The following SETD4 variants were observed in gnomAD, a reference collection of about 807,000 sequenced individuals.
The protein encoded by SETD4 is SET domain containing 4, also known as SET domain-containing protein 4.
A neutral mutation model predicts 58.3 loss-of-function variants in SETD4; 46 were observed. The observed-to-expected ratio is 0.79, with a 90% CI of 0.62 to 1.01. The LOEUF is 1.01. SETD4 is among the 50% of genes least tolerant of loss of function. The pLI is 0.00. For synonymous variants in SETD4, 190 were observed against 202.6 expected (o/e 0.94, Z 0.53); for missense variants, 490 against 523.3 (o/e 0.94, Z 0.62).
chr21:36,050,717 T>C, intron 4 of SETD4: 1 of 1,612,324 alleles, frequency 6.2e-7, no homozygotes, highest in Non-Finnish European at 8.5e-7. Flanking sequence ...GAGGTAAAGC[T>C]GTTTTCTTGG....
At chr21:36,053,522 A>G (rs1381681411) in intron 4 of SETD4, 61 bp downstream of exon 4, 1 of 1,567,246 alleles carries the variant, frequency 6.4e-7, no homozygotes, top group Non-Finnish European at 8.8e-7. Flanking sequence ...CTTCGTTTGA[A>G]CCGCAAAAAC....
Position 36,040,631 on chromosome 21 carries a change from T to A in SETD4, c.1008A>T (p.Gly336=). 2 of 1,613,864 alleles carry A rather than the reference T, an allele frequency of 1.2e-6. No homozygotes were observed. Among genetic ancestry groups the A allele is most frequent in the Non-Finnish European group, 1.7e-6 (2 of 1,179,830 alleles). Residue 336 remains glycine, a synonymous_variant, in exon 9 of 12, where the codon GGA becomes GGT. Coordinates refer to ENST00000332131, the MANE Select transcript of SETD4 (RefSeq NM_017438.5). The part of the protein sequence containing the change: ...YIENLTFGWD[G]PSWRLLTALK... ...GGGCTGTGAGTAGCCTCCAAGATGG[T>A]CCATCCCATCCAAATGTCAAATTTC...
In SETD4 at chr21:36,058,863, C is replaced by T. The variant is rs975059071; in HGVS notation, c.26G>A (p.Ser9Asn). 1.2e-6 allele frequency: 2 copies of T among 1,601,518 alleles called. No individual in the cohort carries two copies. The highest frequency in any genetic ancestry group is 3.5e-5 in the Admixed American group (2 of 57,688). ...GCAGAGTTTTCGTCTTCTGATCCGGCTTGTTCTCCCTTTTCCTTTCTGCAT... is the reference window on the plus strand; with the variant it reads ...GCAGAGTTTTCGTCTTCTGATCCGGTTTGTTCTCCCTTTTCCTTTCTGCAT... MQKGKGRT[S>N]RIRRRKLCGS... Residue 9 changes from serine (S) to asparagine (N), a missense_variant, in exon 2 of 12, where the codon AGC becomes AAC. Transcript: ENST00000332131.
chr21:36,040,025 G>T lies in SETD4; in HGVS notation c.1064+550C>A, dbSNP rs1194041264. Reference sequence around the variant, plus strand: ...TCAGGCTGAAGCTGCCCCTACACTGGGTACAGCACAGCTGGATGTGTCGAC... The same window carrying T: ...TCAGGCTGAAGCTGCCCCTACACTGTGTACAGCACAGCTGGATGTGTCGAC... On this transcript the variant is annotated intron_variant, in intron 9 of 11. Coordinates refer to ENST00000332131, the MANE Select transcript of SETD4 (RefSeq NM_017438.5). 2.6e-5 allele frequency among the ~76,000 whole-genome samples: 4 copies of T among 152,234 alleles called. No homozygotes were observed. The East Asian group carries it at 7.7e-4, about 29-fold the overall frequency.
intron 1 of SETD4, 146 bp downstream of exon 1, chr21:36,060,201 C>G: frequency 1.2e-6 from 1 of 858,480 alleles, no homozygotes; most frequent in Non-Finnish European, 1.4e-6. Context: ...GCAGCGCACA[C>G]GATAATGCCT....
Position 36,050,398 on chromosome 21 carries a change from G to A in SETD4, c.208-2002C>T, listed in dbSNP as rs878971557. ...ATGGAGAAAGGAAACTTGGGTCTGC[G>A]GATCAATGGAGAGCTAATCACTGCC... On this transcript the variant is annotated intron_variant, in intron 4 of 11. Transcript: ENST00000332131. 24 of 1,613,980 alleles carry A rather than the reference G, an allele frequency of 1.5e-5. No individual in the cohort carries two copies. The East Asian group carries it at 1.6e-4, about 10-fold the overall frequency.
Position 36,042,140 on chromosome 21 carries a change from G to C in SETD4, c.902-252C>G, listed in dbSNP as rs553627027. ...TAACCTCAGCTCCTGCTCCCACTAA[G>C]TAAATCCACCAAAAACAAGCAGGTC... On this transcript the variant is annotated intron_variant, in intron 7 of 11. Transcript: ENST00000332131. 342 of 253,718 alleles carry C rather than the reference G, an allele frequency of 1.3e-3. 2 individuals are homozygous for C. The highest frequency in any genetic ancestry group is 1.9e-3 in the Non-Finnish European group (260 of 135,444). 15.7% of individuals were successfully genotyped at this position (253,718 alleles called of 1,614,324 possible).
chr21:36,038,440 G>A (rs2063886242), intron 9 of SETD4, among the ~76,000 whole-genome samples, 167 bp from the exon 10 acceptor site: 1 of 152,130 alleles, frequency 6.6e-6, no homozygotes, highest in Admixed American at 6.5e-5. Context: ...GCTCCCATGT[G>A]GAAGCCGACC....
intron 4 of SETD4, chr21:36,050,817 G>A: frequency 6.2e-7 from 1 of 1,611,364 alleles, no homozygotes; most frequent in Admixed American, 1.7e-5. Context: ...AGAGTCACAT[G>A]GACGGGATGT....
At position 36,038,243 on chromosome 21, in the gene SETD4, C is replaced by CTCCCCAAGAAGTACTTTT; in HGVS notation, c.1077_1094dup (p.Lys360_Glu365dup). 1.2e-6 allele frequency: 2 copies of CTCCCCAAGAAGTACTTTT among 1,613,884 alleles called. No homozygotes were observed. Among genetic ancestry groups the CTCCCCAAGAAGTACTTTT allele is most frequent in the Non-Finnish European group, 1.7e-6 (2 of 1,179,956 alleles). On this transcript the variant is annotated inframe_insertion, in exon 10 of 12. Transcript: ENST00000332131. ...TCTTCTCATTCGTATCTGAAATTAC[C>CTCCCCAAGAAGTACTTTT]TCCCCAAGAAGTACTTTTTTCCAGC...
chr21:36,055,957 C>A (rs1396181122), intron 3 of SETD4, among the ~76,000 whole-genome samples: 1 of 152,172 alleles, frequency 6.6e-6, no homozygotes, highest in Non-Finnish European at 1.5e-5. Context: ...CTCTCTTGAT[C>A]ATCTGGGGAA....
At chr21:36,059,512 AC>A (rs1245037547) in intron 1 of SETD4, 1 of 159,014 alleles carries the variant, frequency 6.3e-6, no homozygotes, top group Non-Finnish European at 1.3e-5. Flanking sequence ...ACATGGTGAA[AC>A]CCCGTCTCTA....
At chr21:36,038,683 T>C (rs1178066473) in intron 9 of SETD4, among the ~76,000 whole-genome samples, 2 of 152,160 alleles carry the variant, frequency 1.3e-5, no homozygotes, top group African/African-American at 2.4e-5. Context: ...CAAGTGACCG[T>C]CTGTCCAAAA....
chr21:36,057,479 T>C (rs1245088904), intron 2 of SETD4: 2 of 594,042 alleles, frequency 3.4e-6, no homozygotes, highest in African/African-American at 1.9e-5. Flanking sequence ...ACCCCATCTC[T>C]TAAAAAAAAA....
intron 1 of SETD4, chr21:36,059,180 G>A (rs1246297202): frequency 3.9e-6 from 1 of 253,880 alleles, no homozygotes. Flanking sequence ...GTTTTATCTT[G>A]CAGACCTAGT....
Position 36,038,253 on chromosome 21 carries a change from AGTACTTTTTTCCAGCAT to A in SETD4, c.1068_1084del (p.Cys357SerfsTer10). 2 of 1,613,486 alleles carry A rather than the reference AGTACTTTTTTCCAGCAT, an allele frequency of 1.2e-6. No homozygotes were observed. The highest frequency in any genetic ancestry group is 2.2e-5 in the South Asian group (2 of 90,806). Reference sequence around the variant, plus strand: ...CGTATCTGAAATTACCTCCCCAAGAAGTACTTTTTTCCAGCATGTACTAGAACCAAAATGTTCCATGA... The same window carrying A: ...CGTATCTGAAATTACCTCCCCAAGAAGTACTAGAACCAAAATGTTCCATGA... On this transcript the variant is annotated frameshift_variant, in exon 10 of 12. Transcript: ENST00000332131. LOFTEE classifies it high-confidence loss of function.
chr21:36,046,002 A>C lies in SETD4; in HGVS notation c.306T>G (p.Pro102=), dbSNP rs776494199. Reference sequence around the variant, plus strand: ...ACAGCGCCAGCAGAGGAGATGGAGGAGGCTTCCACCTTTGAAAATTAAAAG... The same window carrying C: ...ACAGCGCCAGCAGAGGAGATGGAGGCGGCTTCCACCTTTGAAAATTAAAAG... ...YLGAYITKWK[P]PPSPLLALCT... Residue 102 remains proline, a synonymous_variant, in exon 6 of 12, where the codon CCT becomes CCG. Transcript: ENST00000332131. 1.2e-6 allele frequency: 2 copies of C among 1,611,190 alleles called. No homozygotes were observed. Among genetic ancestry groups the C allele is most frequent in the African/African-American group, 1.3e-5 (1 of 74,798 alleles).
At chr21:36,060,318 G>A (rs1387156548) in intron 1 of SETD4, 29 bp downstream of exon 1, 4 of 220,116 alleles carry the variant, frequency 1.8e-5, no homozygotes, top group African/African-American at 9.4e-5. Context: ...GGCAACTGGA[G>A]GCCCGACCCG....
At chr21:36,038,331 T>G (rs966021864) in intron 9 of SETD4, 58 bp from the exon 10 acceptor site, 1 of 1,591,120 alleles carries the variant, frequency 6.3e-7, no homozygotes, top group South Asian at 1.1e-5. Context: ...ACAGATTTTT[T>G]TGTTTCAGTG....
Sources: allele counts gnomAD v4.1 joint callset (sites outside exome capture counted in the v4.1 genomes callset), GRCh38; gene constraint gnomAD v4.1.1; transcripts MANE v1.5; gene names NCBI Gene and HGNC (gene_info 2026-07-23, HGNC 2026-07-21).